Variants in TTC7A observed in about 807,000 individuals in gnomAD.
The protein encoded by TTC7A is tetratricopeptide repeat domain 7A.
TTC7A carries 110 observed loss-of-function variants against 103.7 expected under a neutral mutation model. The observed-to-expected ratio is 1.06, with a 90% CI of 0.91 to 1.24. The LOEUF is 1.24. TTC7A is among the 50% of genes most tolerant of loss of function. The probability of loss-of-function intolerance (pLI) is 0.00; values close to 1 mark genes in which losing one functional copy is unlikely to be tolerated. For missense variants in TTC7A, 1,340 were observed against 1,116.3 expected (o/e 1.20, Z -2.86); for synonymous variants, 521 against 467.9 (o/e 1.11, Z -1.47).
chr2:47,052,932 G>A (rs1327867375), intron 18 of TTC7A, among the ~76,000 whole-genome samples: 2 of 152,152 alleles, frequency 1.3e-5, no homozygotes, highest in Non-Finnish European at 2.9e-5. Flanking sequence ...ATCTCTTACT[G>A]GGACATGGGG....
intron 19 of TTC7A, among the ~76,000 whole-genome samples, chr2:47,073,423 C>T (rs891853917): frequency 6.6e-6 from 1 of 152,168 alleles, no homozygotes; most frequent in Non-Finnish European, 1.5e-5. Flanking sequence ...TGTGACACAG[C>T]CAGGTCTGTT....
At chr2:47,049,916 C>G (rs775441189) in intron 16 of TTC7A, 33 bp from the exon 17 acceptor site, 2 of 1,568,262 alleles carry the variant, frequency 1.3e-6, no homozygotes, top group African/African-American at 1.3e-5. Flanking sequence ...AGCCCTCTAC[C>G]TTACCGGACC....
chr2:46,994,994 A>G (rs1043273560), intron 7 of TTC7A, 142 bp from the exon 8 acceptor site: 13 of 739,078 alleles, frequency 1.8e-5, no homozygotes, highest in Admixed American at 6.4e-5. Flanking sequence ...GGCATATGGT[A>G]TCCGGTGCCC....
At chr2:46,948,635 G>A (rs112930536) in intron 1 of TTC7A, among the ~76,000 whole-genome samples, 2,122 of 152,132 alleles carry the variant, frequency 0.014, 47 homozygotes, top group African/African-American at 0.048. Context: ...AGTTTTTTGT[G>A]TTTTTCTAAA....
chr2:46,968,218 T>C (rs1673025873), intron 3 of TTC7A, among the ~76,000 whole-genome samples: 2 of 152,184 alleles, frequency 1.3e-5, no homozygotes, highest in African/African-American at 2.4e-5. Flanking sequence ...TCTGAGTTAA[T>C]GAAAAAGCAA....
chr2:46,917,064 C>T (rs13388612), intron 1 of TTC7A: 16 of 643,966 alleles, frequency 2.5e-5, no homozygotes, highest in Non-Finnish European at 4.1e-5. Context: ...TTGAAAGTTG[C>T]CTAACGCCAC....
chr2:47,028,408 C>T (rs767420704), intron 14 of TTC7A, among the ~76,000 whole-genome samples: 3 of 152,364 alleles, frequency 2.0e-5, no homozygotes, highest in Admixed American at 6.5e-5. Context: ...GCAGGGTTGG[C>T]GGGAGCAGTA....
intron 8 of TTC7A, among the ~76,000 whole-genome samples, 159 bp from the exon 9 acceptor site, chr2:47,005,763 G>A (rs1420895352): frequency 6.6e-6 from 1 of 152,182 alleles, no homozygotes; most frequent in African/African-American, 2.4e-5. Context: ...CCTTTGTGGA[G>A]ATAGGAAAAG....
At chr2:46,973,635 G>A (rs1479036267) in intron 3 of TTC7A, among the ~76,000 whole-genome samples, 2 of 152,186 alleles carry the variant, frequency 1.3e-5, no homozygotes, top group African/African-American at 4.8e-5. Flanking sequence ...GTGGAGTTCT[G>A]AACCCCCTGC....
chr2:47,011,687 A>G (rs1196616349), intron 11 of TTC7A, among the ~76,000 whole-genome samples: 1 of 152,212 alleles, frequency 6.6e-6, no homozygotes, highest in Non-Finnish European at 1.5e-5. Context: ...AGAGTGAAAC[A>G]TAAGGAAGTA....
At chr2:47,056,253 T>A (rs2104756151) in intron 18 of TTC7A, among the ~76,000 whole-genome samples, 1 of 152,394 alleles carries the variant, frequency 6.6e-6, no homozygotes. Flanking sequence ...TTATATGCTC[T>A]GAGTGTCTGA....
At chr2:46,946,357 G>A (rs1177045379) in intron 1 of TTC7A, among the ~76,000 whole-genome samples, 1 of 152,176 alleles carries the variant, frequency 6.6e-6, no homozygotes, top group Non-Finnish European at 1.5e-5. Flanking sequence ...ATGATAAAAA[G>A]CAACTTGTTT....
chr2:46,930,678 C>G (rs910389826), intron 2 of TTC7A, among the ~76,000 whole-genome samples: 2 of 151,836 alleles, frequency 1.3e-5, no homozygotes, highest in Admixed American at 6.6e-5. Context: ...TTTTGTATTT[C>G]TAGTAGAGAC....
intron 8 of TTC7A, among the ~76,000 whole-genome samples, chr2:47,000,900 C>T (rs529002998): frequency 6.2e-4 from 95 of 152,274 alleles, no homozygotes; most frequent in African/African-American, 9.6e-4. Context: ...TGTTTTGCTT[C>T]AGTTCTTTTA....
intron 18 of TTC7A, among the ~76,000 whole-genome samples, chr2:47,054,581 C>T (rs1019169290): frequency 3.9e-5 from 6 of 151,980 alleles, no homozygotes; most frequent in Admixed American, 2.0e-4. Flanking sequence ...GCCCGTAATC[C>T]GAGCACTTTG....
At chr2:46,999,402 C>A in intron 8 of TTC7A, 1 of 738,322 alleles carries the variant, frequency 1.4e-6, no homozygotes, top group Non-Finnish European at 1.7e-6. Context: ...ATCCATCCAG[C>A]CACCTACCAA....
intron 15 of TTC7A, among the ~76,000 whole-genome samples, chr2:47,036,431 A>G (rs1681114213): frequency 6.6e-6 from 1 of 152,232 alleles, no homozygotes; most frequent in Non-Finnish European, 1.5e-5. Context: ...CTCCAGACCG[A>G]AGGAAAAATA....
intron 3 of TTC7A, chr2:46,974,670 T>G (rs1205883384): frequency 2.0e-6 from 1 of 501,072 alleles, no homozygotes. Context: ...AAAACCTCAT[T>G]CTCTTTCGCT....
chr2:47,057,108 C>T (rs1308186274), intron 18 of TTC7A, among the ~76,000 whole-genome samples: 2 of 152,218 alleles, frequency 1.3e-5, no homozygotes, highest in East Asian at 3.9e-4. Flanking sequence ...CCATGGCTAG[C>T]AAAGCGTCGA....
Sources: gnomAD v4.1 joint callset for allele counts (sites outside exome capture counted in the v4.1 genomes callset) on GRCh38, gnomAD v4.1.1 for gene constraint, MANE v1.5 for transcripts, NCBI Gene and HGNC (gene_info 2026-07-23, HGNC 2026-07-21) for gene names.